The following PEF1 variants were observed in gnomAD, a reference collection of about 807,000 sequenced individuals.
PEF1 encodes the protein peflin.
A neutral mutation model predicts 32.0 loss-of-function variants in PEF1; 17 were observed. The observed-to-expected ratio is 0.53, with a 90% CI of 0.36 to 0.80. The LOEUF (loss-of-function observed/expected upper bound fraction) is 0.80. Ranked by LOEUF, PEF1 falls within the 30% of genes least tolerant of loss-of-function variation. The pLI, the probability that PEF1 is intolerant of heterozygous loss-of-function variation, is 0.00. For missense variants in PEF1, 362 were observed against 369.1 expected (o/e 0.98, Z 0.16); for synonymous variants, 130 against 139.8 (o/e 0.93, Z 0.50).
intron 1 of PEF1, among the ~76,000 whole-genome samples, chr1:31,643,483 T>C (rs1410908025): frequency 6.6e-6 from 1 of 152,234 alleles, no homozygotes; most frequent in East Asian, 1.9e-4. Flanking sequence ...CTCTCTTTCC[T>C]ACCTCTCTCT....
chr1:31,636,222 A>G (rs1640250201), intron 1 of PEF1, among the ~76,000 whole-genome samples: 2 of 152,190 alleles, frequency 1.3e-5, no homozygotes, highest in South Asian at 4.1e-4. Context: ...AGACTGCTTG[A>G]GCCCAGGAGT....
intron 3 of PEF1, 144 bp from the exon 4 acceptor site, chr1:31,632,782 A>G: frequency 2.1e-6 from 2 of 943,590 alleles, no homozygotes; most frequent in South Asian, 3.4e-5. Context: ...AGATGCCTGC[A>G]CCTGAGACAC....
chr1:31,631,072 T>TC (rs1640087960), intron 4 of PEF1, among the ~76,000 whole-genome samples: 1 of 152,142 alleles, frequency 6.6e-6, no homozygotes, highest in South Asian at 2.1e-4. Context: ...TCTCCAAATC[T>TC]CCATTATTGT....
chr1:31,641,156 A>G (rs1640381932), intron 1 of PEF1, among the ~76,000 whole-genome samples: 1 of 152,072 alleles, frequency 6.6e-6, no homozygotes, highest in Admixed American at 6.5e-5. Flanking sequence ...AGCCTACTGG[A>G]CCTTCCCTCC....
At chr1:31,637,157 A>C (rs1640273021) in intron 1 of PEF1, among the ~76,000 whole-genome samples, 1 of 113,920 alleles carries the variant, frequency 8.8e-6, no homozygotes, top group Non-Finnish European at 2.2e-5. Context: ...GAGGGCAGGA[A>C]GCAGGCCCTG....
chr1:31,644,247 A>C, intron 1 of PEF1: 2 of 337,132 alleles, frequency 5.9e-6, no homozygotes, highest in Non-Finnish European at 8.4e-6. Context: ...ATCTGAAGAT[A>C]GCCCGGGTTC....
intron 1 of PEF1, among the ~76,000 whole-genome samples, chr1:31,639,482 C>T (rs1640340942): frequency 6.6e-6 from 1 of 152,232 alleles, no homozygotes; most frequent in Non-Finnish European, 1.5e-5. Flanking sequence ...AAATGAACAC[C>T]ACTCTAAAGA....
intron 1 of PEF1, 176 bp downstream of exon 1, chr1:31,644,665 T>TGACGTGAGCAGGGCGCGGG: frequency 6.8e-7 from 1 of 1,461,950 alleles, no homozygotes. Flanking sequence ...CGGTCCTTCA[T>TGACGTGAGCAGGGCGCGGG]GACGTGAGCA....
At chr1:31,638,520 C>CTATA (rs1398827249) in intron 1 of PEF1, among the ~76,000 whole-genome samples, 1 of 152,192 alleles carries the variant, frequency 6.6e-6, no homozygotes, top group East Asian at 1.9e-4. Flanking sequence ...GTGAGCAAAG[C>CTATA]TATAAACCGC....
chr1:31,643,019 C>A (rs990234631), intron 1 of PEF1, among the ~76,000 whole-genome samples: 1 of 152,114 alleles, frequency 6.6e-6, no homozygotes. Flanking sequence ...TTCCTGGGTA[C>A]AGAACAGGTC....
intron 3 of PEF1, 40 bp downstream of exon 3, chr1:31,633,119 T>C (rs1465508972): frequency 6.3e-7 from 1 of 1,586,600 alleles, no homozygotes; most frequent in South Asian, 1.2e-5. Context: ...ATCAGGTGGC[T>C]CTGCCCCAGC....
intron 1 of PEF1, 57 bp from the exon 2 acceptor site, chr1:31,635,579 T>C: frequency 2.1e-6 from 3 of 1,462,688 alleles, no homozygotes; most frequent in Non-Finnish European, 2.7e-6. Context: ...AGGCAGAGTA[T>C]GGCACTTTAC....
Position 31,630,625 on chromosome 1 carries a change from A to C in PEF1, c.843T>G (p.Ser281=). The change falls in exon 5 of 5, where the codon TCT becomes TCG. Residue 281 remains serine (S), a synonymous_variant. Transcript: ENST00000373703. Reference sequence around the variant, plus strand: ...ACAGATGGTTGGGTCATAGCATCCGAGAAGCTGTCATGGTGACGAAGTCCT... The same window carrying C: ...ACAGATGGTTGGGTCATAGCATCCGCGAAGCTGTCATGGTGACGAAGTCCT... ...SFEDFVTMTA[S]RML The C allele has an allele frequency of 1.2e-6, 2 of 1,612,398 alleles. No homozygotes were observed. Among genetic ancestry groups the C allele is most frequent in the Non-Finnish European group, 1.7e-6 (2 of 1,180,030 alleles).
chr1:31,642,294 T>C (rs1640414438), intron 1 of PEF1, among the ~76,000 whole-genome samples: 1 of 152,228 alleles, frequency 6.6e-6, no homozygotes, highest in Non-Finnish European at 1.5e-5. Context: ...CTCAGACTTT[T>C]GCAACAAACT....
At chr1:31,636,384 G>A (rs1049850362) in intron 1 of PEF1, among the ~76,000 whole-genome samples, 2 of 152,182 alleles carry the variant, frequency 1.3e-5, no homozygotes, top group Non-Finnish European at 2.9e-5. Flanking sequence ...GCTAAGGTGG[G>A]AGGATCACCT....
chr1:31,643,762 T>C (rs919546752), intron 1 of PEF1, among the ~76,000 whole-genome samples: 1 of 152,242 alleles, frequency 6.6e-6, no homozygotes, highest in African/African-American at 2.4e-5. Context: ...AATATACCAA[T>C]TGATCTTGTT....
Position 31,632,543 on chromosome 1 carries a change from AC to A in PEF1, c.576del (p.Gln192HisfsTer26), listed in dbSNP as rs1418591227. On this transcript the variant is annotated frameshift_variant, in exon 4 of 5. Coordinates refer to ENST00000373703, the MANE Select transcript of PEF1 (RefSeq NM_012392.4). LOFTEE classifies it high-confidence loss of function. ...FIQQWKNLFQQYDRDRSGSIS... is the reference protein window; with the variant it reads ...FIQQWKNLFQXYDRDRSGSIS... The stretch of plus-strand genomic sequence containing the variant: ...ATGGAGCCCGAGCGGTCCCGGTCAT[AC>A]TGCTGGAAGAGGTTCTTCCACTGCT... The A allele has an allele frequency of 6.2e-7, 1 of 1,614,208 alleles. No individual in the cohort carries two copies. The highest frequency in any genetic ancestry group is 1.7e-5 in the Admixed American group (1 of 60,032).
At chr1:31,635,636 T>C in intron 1 of PEF1, 114 bp from the exon 2 acceptor site, 5 of 1,087,876 alleles carry the variant, frequency 4.6e-6, no homozygotes, top group Non-Finnish European at 2.5e-6. Context: ...ATCCTATAGG[T>C]AGGGTTGGAA....
rs757856977 is a variant in PEF1 at position 31,633,226 on chromosome 1, C to G, written c.414G>C (p.Glu138Asp). ...TGCAGTTGACCAGGGCCTGCTTTAG[C>G]TCCTTCATGGAGATATAGCCACTGT... ...SDHSGYISMK[E>D]LKQALVNCNW... The change falls in exon 3 of 5, where the codon GAG becomes GAC. Residue 138 changes from glutamate (E) to aspartate (D), a missense_variant. Physicochemically the swap from Glu to Asp is conservative, Grantham distance 45. Coordinates refer to ENST00000373703, the MANE Select transcript of PEF1 (RefSeq NM_012392.4). The G allele has an allele frequency of 1.2e-6, 2 of 1,614,126 alleles. No homozygotes were observed. Among genetic ancestry groups the G allele is most frequent in the Non-Finnish European group, 8.5e-7 (1 of 1,179,988 alleles).
Sources: allele counts gnomAD v4.1 joint callset (sites outside exome capture counted in the v4.1 genomes callset), GRCh38; gene constraint gnomAD v4.1.1; transcripts MANE v1.5; gene names NCBI Gene and HGNC (gene_info 2026-07-23, HGNC 2026-07-21).